COL7A1: variants seen among roughly 807,000 people sequenced by gnomAD.
The protein encoded by COL7A1 is collagen type VII alpha 1 chain, also known as collagen alpha-1(VII) chain.
Under a neutral mutation model 456.2 loss-of-function variants are expected in COL7A1, and 296 were observed. The observed-to-expected ratio is 0.65, with a 90% confidence interval of 0.59 to 0.71. The LOEUF is 0.71. COL7A1 is among the 30% of genes least tolerant of loss of function. COL7A1 has a pLI of 0.00. For synonymous variants in COL7A1, 1,464 were observed against 1,525.9 expected (o/e 0.96, Z 0.95); for missense variants, 3,441 against 4,017.2 (o/e 0.86, Z 3.88).
rs2044853575 is a variant in COL7A1 at position 48,582,660 on chromosome 3, G to A, written c.4519-7C>T. 1.2e-6 allele frequency: 2 copies of A among 1,613,314 alleles called. No homozygotes were observed. Among genetic ancestry groups the A allele is most frequent in the African/African-American group, 1.3e-5 (1 of 75,032 alleles). ...CAGCAACCCCTGGCAGCCCCTGGAG[G>A]AGAGGAAGGGAAGAGCTGTGCAGGT... is the stretch of plus-strand genomic sequence containing the variant. On this transcript the variant is annotated splice_region_variant and splice_polypyrimidine_tract_variant and intron_variant, in intron 44 of 118. Coordinates refer to ENST00000681320, the MANE Select transcript of COL7A1 (RefSeq NM_000094.4).
At position 48,595,301 on chromosome 3, in the gene COL7A1, C is replaced by T. The variant is rs918476696; in HGVS notation, c.-35G>A. Reference sequence around the variant, plus strand: ...CCGCCCGCTCCCGCCGCCGCCGCTGCAGTCTCTCGGGCAGAGCAGAGAAAA... The same window carrying T: ...CCGCCCGCTCCCGCCGCCGCCGCTGTAGTCTCTCGGGCAGAGCAGAGAAAA... On this transcript the variant is annotated 5_prime_UTR_variant, in exon 1 of 119. Transcript: ENST00000681320. The T allele has an allele frequency of 1.1e-5, 8 of 715,650 alleles. No homozygotes were observed. Among genetic ancestry groups the T allele is most frequent in the Admixed American group, 8.4e-5 (4 of 47,766 alleles). The allele number at this position is 715,650 out of a possible 1,614,324, so 44.3% of individuals were successfully genotyped here.
In COL7A1 at chr3:48,566,190, G is replaced by A. The variant is rs2043596337; in HGVS notation, c.8407+77C>T. 6 of 1,487,342 alleles carry A rather than the reference G, an allele frequency of 4.0e-6. No homozygotes were observed. In the East Asian group the frequency reaches 7.2e-5, roughly 18 times the overall value. The allele number at this position is 1,487,342 out of a possible 1,614,324, so 92.1% of individuals were successfully genotyped here. A position where few individuals can be genotyped will look rare whatever the true frequency, so the allele number is the denominator to read the frequency against. ...CCCCATCTTCTTGACTGCTTGCCCT[G>A]TAAGTTCTAGGGGCCTGCCTGCCCT... On this transcript the variant is annotated intron_variant, in intron 114 of 118. Transcript: ENST00000681320. This position sits in a 1 kb window ranked among gnomAD's most constrained non-coding sequence, Gnocchi z 5.9.
In COL7A1 at chr3:48,590,491, C is replaced by G. The variant is rs775107475; in HGVS notation, c.1874G>C (p.Ser625Thr). 1.7e-5 allele frequency: 27 copies of G among 1,614,070 alleles called. No homozygotes were observed. The African/African-American group carries it at 3.5e-4, about 21-fold the overall frequency. Residue 625 changes from serine to threonine, a missense_variant, in exon 15 of 119, where the codon AGT (serine) becomes ACT (threonine). This residue lies in a region of COL7A1 where 913 missense variants were observed against 1,088.2 expected (regional missense o/e 0.84). Coordinates refer to ENST00000681320, the MANE Select transcript of COL7A1 (RefSeq NM_000094.4). This position sits in a 1 kb window ranked among gnomAD's most constrained non-coding sequence, Gnocchi z 4.6. ...TGTGCTCCAGCTAATCCGAAATCCA[C>G]TGGCTCCAGGGACGGGTCCCCAGGC... Reference protein sequence around the residue: ...RVAWGPVPGASGFRISWSTGS... With the variant: ...RVAWGPVPGATGFRISWSTGS...
rs2043831287 is a variant in COL7A1, at chr3:48,570,366, A to C, written c.7381-32T>G. ...ACCAACAGGACACCGGGGATCAGTG[A>C]GGGGAATCAGTGGGGGACGCAGGGT... On this transcript the variant is annotated intron_variant, in intron 97 of 118. Coordinates refer to ENST00000681320, the MANE Select transcript of COL7A1 (RefSeq NM_000094.4). This position sits in a 1 kb window ranked among gnomAD's most constrained non-coding sequence, Gnocchi z 5.5. 1 of 1,613,818 alleles carries C rather than the reference A, an allele frequency of 6.2e-7. No individual in the cohort carries two copies. The highest frequency in any genetic ancestry group is 8.5e-7 in the Non-Finnish European group (1 of 1,179,926).
In COL7A1 at chr3:48,572,696, G is replaced by A. The variant is rs898837956; in HGVS notation, c.6875C>T (p.Pro2292Leu). 6 of 1,607,732 alleles carry A rather than the reference G, an allele frequency of 3.7e-6. No individual in the cohort carries two copies. The East Asian group carries it at 1.3e-4, about 36-fold the overall frequency. ...LPGPVGPKGE[P>L]GPTGAPGQAV... The stretch of plus-strand genomic sequence containing the variant: ...CTGTCCAGGGGCCCCCGTGGGGCCA[G>A]GTTCTCCTTTAGGTCCGACAGGGCC... The change falls in exon 88 of 119, where the codon CCT becomes CTT. Residue 2292 changes from proline (P) to leucine (L), a missense_variant. This residue lies in a region of COL7A1 where 2,084 missense variants were observed against 2,501.3 expected (regional missense o/e 0.83). Transcript: ENST00000681320. This position sits in a 1 kb window ranked among gnomAD's most constrained non-coding sequence, Gnocchi z 4.6.
chr3:48,592,899 G>T lies in COL7A1; in HGVS notation c.722C>A (p.Ser241Tyr). ...TCTCAAGGATTGGCTGCTTGGCTCA[G>T]ACAGCACCAGGTCTCGTGGAGCAGA... ...STSAPRDLVL[S>Y]EPSSQSLRVQ... The change falls in exon 7 of 119, where the codon TCT (serine) becomes TAT (tyrosine). Residue 241 changes from serine (S) to tyrosine (Y), a missense_variant. Physicochemically the swap from Ser to Tyr is moderately radical, Grantham distance 144. This residue lies in a region of COL7A1 where 913 missense variants were observed against 1,088.2 expected (regional missense o/e 0.84). Transcript: ENST00000681320. The surrounding 1 kb of genome is among the most constrained non-coding windows in gnomAD (Gnocchi z 7.6). The T allele has an allele frequency of 6.2e-7, 1 of 1,614,048 alleles. No individual in the cohort carries two copies.
rs2045357036 is a variant in COL7A1 at position 48,587,491 on chromosome 3, A to G, written c.2921T>C (p.Leu974Ser). ...VVDTSIDSVT[L>S]AWTPVSRASS... ...TGCCCTGGACACTGGAGTCCAGGCC[A>G]AAGTCACCGAGTCGATCGAGGTGTC... The change falls in exon 23 of 119, where the codon TTG becomes TCG. Residue 974 changes from leucine (L) to serine (S), a missense_variant. Coordinates refer to ENST00000681320, the MANE Select transcript of COL7A1 (RefSeq NM_000094.4). The surrounding 1 kb of genome is among the most constrained non-coding windows in gnomAD (Gnocchi z 6.1). The G allele has an allele frequency of 6.2e-7, 1 of 1,613,396 alleles. No homozygotes were observed. The highest frequency in any genetic ancestry group is 8.5e-7 in the Non-Finnish European group (1 of 1,180,038).
chr3:48,572,354 TCTG>T lies in COL7A1; in HGVS notation c.6978+23_6978+25del, dbSNP rs2043985123. On this transcript the variant is annotated intron_variant, in intron 90 of 118. Coordinates refer to ENST00000681320, the MANE Select transcript of COL7A1 (RefSeq NM_000094.4). The surrounding 1 kb of genome is among the most constrained non-coding windows in gnomAD (Gnocchi z 4.6). ...CTGGAGAGACAGGACCCCCAGAACATCTGCTGTCAGAAGTTCCCTACTTACCGG... is the reference window on the plus strand; with the variant it reads ...CTGGAGAGACAGGACCCCCAGAACATCTGTCAGAAGTTCCCTACTTACCGG... 1 of 1,613,988 alleles carries T rather than the reference TCTG, an allele frequency of 6.2e-7. No homozygotes were observed. Among genetic ancestry groups the T allele is most frequent in the Non-Finnish European group, 8.5e-7 (1 of 1,179,960 alleles).
At chr3:48,576,655 A>G in intron 68 of COL7A1, 21 bp downstream of exon 68, 3 of 1,598,374 alleles carry the variant, frequency 1.9e-6, no homozygotes, top group Non-Finnish European at 2.6e-6. Flanking sequence ...CTGAAGTCCC[A>G]GAATGACCCA....
Position 48,571,584 on chromosome 3 carries a change from C to T in COL7A1, c.7069-306G>A. On this transcript the variant is annotated intron_variant, in intron 92 of 118. Coordinates refer to ENST00000681320, the MANE Select transcript of COL7A1 (RefSeq NM_000094.4). The surrounding 1 kb of genome is among the most constrained non-coding windows in gnomAD (Gnocchi z 4.6). ...AGACGTGAGTGCGGACACACGGGCG[C>T]TCAGAGGGGAACCCCAACACGTCCA... 1.5e-6 allele frequency: 1 copy of T among 670,444 alleles called. No individual in the cohort carries two copies. The highest frequency in any genetic ancestry group is 2.8e-6 in the Non-Finnish European group (1 of 355,444). 41.5% of individuals were successfully genotyped at this position (670,444 alleles called of 1,614,324 possible). A position where few individuals can be genotyped will look rare whatever the true frequency, so the allele number is the denominator to read the frequency against.
chr3:48,585,219 ACC>A lies in COL7A1; in HGVS notation c.3895-105_3895-104del. ...CAACAAGGGGTCGCCTACCCCACTG[ACC>A]CCCAAGTGTTATTGGGGGTGGAACA... On this transcript the variant is annotated intron_variant, in intron 32 of 118. Coordinates refer to ENST00000681320, the MANE Select transcript of COL7A1 (RefSeq NM_000094.4). This position sits in a 1 kb window ranked among gnomAD's most constrained non-coding sequence, Gnocchi z 4.5. 1.7e-6 allele frequency: 2 copies of A among 1,144,916 alleles called. No homozygotes were observed. Among genetic ancestry groups the A allele is most frequent in the Non-Finnish European group, 1.3e-6 (1 of 786,902 alleles). The allele number at this position is 1,144,916 out of a possible 1,614,324, so 70.9% of individuals were successfully genotyped here. A position where few individuals can be genotyped will look rare whatever the true frequency, so the allele number is the denominator to read the frequency against.
At position 48,565,987 on chromosome 3, in the gene COL7A1, G is replaced by A. The variant is rs1330441109; in HGVS notation, c.8407+280C>T. Among the ~76,000 whole-genome samples the A allele has an allele frequency of 6.6e-6, 1 of 152,108 alleles. No individual in the cohort carries two copies. The highest frequency in any genetic ancestry group is 6.5e-5 in the Admixed American group (1 of 15,280). ...CTGATGCCCCTCCCACCGGGTCCAGGTCAGGCCCAAGGGGACCAGCTCTGC... is the reference window on the plus strand; with the variant it reads ...CTGATGCCCCTCCCACCGGGTCCAGATCAGGCCCAAGGGGACCAGCTCTGC... On this transcript the variant is annotated intron_variant, in intron 114 of 118. Coordinates refer to ENST00000681320, the MANE Select transcript of COL7A1 (RefSeq NM_000094.4). The surrounding 1 kb of genome is among the most constrained non-coding windows in gnomAD (Gnocchi z 4.5).
chr3:48,579,202 G>GCCCAGAGGGCCCAGCGGCTCCTGGTTT lies in COL7A1; in HGVS notation c.5356_5382dup (p.Lys1786_Gly1794dup). 1 of 1,613,336 alleles carries GCCCAGAGGGCCCAGCGGCTCCTGGTTT rather than the reference G, an allele frequency of 6.2e-7. No homozygotes were observed. Among genetic ancestry groups the GCCCAGAGGGCCCAGCGGCTCCTGGTTT allele is most frequent in the Non-Finnish European group, 8.5e-7 (1 of 1,180,012 alleles). On this transcript the variant is annotated inframe_insertion, in exon 62 of 119. Transcript: ENST00000681320. This position sits in a 1 kb window ranked among gnomAD's most constrained non-coding sequence, Gnocchi z 4.4. ...GCAGGACTACCAAGACTCACATTCG[G>GCCCAGAGGGCCCAGCGGCTCCTGGTTT]CCCAGAGGGCCCAGCGGCTCCTGGT...
In COL7A1 at chr3:48,593,463, A is replaced by G. The variant is rs552110604; in HGVS notation, c.427-14T>C. On this transcript the variant is annotated splice_polypyrimidine_tract_variant and intron_variant, in intron 4 of 118. Transcript: ENST00000681320. This position sits in a 1 kb window ranked among gnomAD's most constrained non-coding sequence, Gnocchi z 4.4. The stretch of plus-strand genomic sequence containing the variant: ...CAGGATGCAGACCTGGGACAGGTGC[A>G]GGGGTCAAATCACGGTTCCCCTGGA... 1.5e-4 allele frequency: 240 copies of G among 1,614,072 alleles called. 1 individual carries two copies. The South Asian group carries it at 2.4e-3, about 16-fold the overall frequency.
At position 48,567,741 on chromosome 3, in the gene COL7A1, C is replaced by T. The variant is rs200377733; in HGVS notation, c.7952G>A (p.Arg2651His). Residue 2651 changes from arginine (R) to histidine (H), a missense_variant, in exon 108 of 119, where the codon CGC (arginine) becomes CAC (histidine). Arg to His is a conservative substitution (Grantham distance 29, BLOSUM62 0). This residue lies in a region of COL7A1 where 2,084 missense variants were observed against 2,501.3 expected (regional missense o/e 0.83). Transcript: ENST00000681320. This position sits in a 1 kb window ranked among gnomAD's most constrained non-coding sequence, Gnocchi z 4.3. ...TCCTTTGTGTCCTGCCAGCCCGGGG[C>T]GGCCTGGGGGACCAGCTTCTCCCTG... ...GDKGEAGPPG[R>H]PGLAGHKGEM... 2.9e-5 allele frequency: 46 copies of T among 1,613,934 alleles called. No individual in the cohort carries two copies. The highest frequency in any genetic ancestry group is 1.6e-4 in the Middle Eastern group (1 of 6,084).
Position 48,567,936 on chromosome 3 carries a change from C to A in COL7A1, c.7876-45G>T. On this transcript the variant is annotated intron_variant, in intron 106 of 118. Transcript: ENST00000681320. The surrounding 1 kb of genome is among the most constrained non-coding windows in gnomAD (Gnocchi z 4.3). ...GAAGAAGTGATTCCCAGACACCTCA[C>A]TCTGTGACCCCCTTCACCCTGAAAC... 6.2e-7 allele frequency: 1 copy of A among 1,611,962 alleles called. No individual in the cohort carries two copies. The highest frequency in any genetic ancestry group is 8.5e-7 in the Non-Finnish European group (1 of 1,178,150).
In COL7A1 at chr3:48,589,329, G is replaced by A. The variant is rs2045526471; in HGVS notation, c.2312C>T (p.Thr771Ile). The stretch of plus-strand genomic sequence containing the variant: ...GTAGCTGGCCAGGGTCCACTCACCA[G>A]TCCTCACAACCACAGAGGCAGGGGG... ...DGPPASVVVR[T>I]APEPVGRVSR... is the part of the protein sequence containing the mutation. Residue 771 changes from threonine (T) to isoleucine (I), a missense_variant and splice_region_variant, in exon 18 of 119, where the codon ACT (threonine) becomes ATT (isoleucine). By Grantham distance (89) the Thr-to-Ile change is moderately conservative. Coordinates refer to ENST00000681320, the MANE Select transcript of COL7A1 (RefSeq NM_000094.4). The A allele has an allele frequency of 5.0e-6, 8 of 1,612,510 alleles. No homozygotes were observed. Among genetic ancestry groups the A allele is most frequent in the Non-Finnish European group, 6.8e-6 (8 of 1,179,964 alleles).
In COL7A1 at chr3:48,564,947, C is replaced by A; in HGVS notation, c.8654G>T (p.Cys2885Phe). 1 of 1,614,198 alleles carries A rather than the reference C, an allele frequency of 6.2e-7. No homozygotes were observed. The highest frequency in any genetic ancestry group is 8.5e-7 in the Non-Finnish European group (1 of 1,180,024). The change falls in exon 118 of 119, where the codon TGC (cysteine) becomes TTC (phenylalanine). Residue 2885 changes from cysteine to phenylalanine, a missense_variant. This residue lies in a region of COL7A1 where 2,084 missense variants were observed against 2,501.3 expected (regional missense o/e 0.83). Coordinates refer to ENST00000681320, the MANE Select transcript of COL7A1 (RefSeq NM_000094.4). The surrounding 1 kb of genome is among the most constrained non-coding windows in gnomAD (Gnocchi z 6.0). Reference protein sequence around the residue: ...PCSLPLDEGSCTAYTLRWYHR... With the variant: ...PCSLPLDEGSFTAYTLRWYHR... ...GTACCAGCGCAGGGTGTAGGCAGTG[C>A]AGGAGCCCTCATCCAGTGGCAGGGA...
At position 48,587,800 on chromosome 3, in the gene COL7A1, C is replaced by T. The variant is rs746958544; in HGVS notation, c.2850G>A (p.Ala950=). ...AAGGTGAGGCAGGCTTACCAGTGCG[C>T]GCAGTCACCTCTGCAGAGGGCCCTT... ...AGEGPSAEVT[A]RTESPRVPSI... Residue 950 remains alanine (A), a synonymous_variant, in exon 22 of 119, where the codon GCG becomes GCA. Transcript: ENST00000681320. The surrounding 1 kb of genome is among the most constrained non-coding windows in gnomAD (Gnocchi z 6.1). 1.1e-5 allele frequency: 17 copies of T among 1,613,216 alleles called. No homozygotes were observed. Among genetic ancestry groups the T allele is most frequent in the Admixed American group, 8.3e-5 (5 of 60,002 alleles).
Sources: gnomAD v4.1 joint callset for allele counts (sites outside exome capture counted in the v4.1 genomes callset) on GRCh38, gnomAD v4.1.1 for gene constraint, gnomAD v4.1.1 regional missense constraint, Gnocchi (gnomAD v3.1) non-coding constraint, MANE v1.5 for transcripts, NCBI Gene and HGNC (gene_info 2026-07-23, HGNC 2026-07-21) for gene names.